The following ASB4 variants were observed in gnomAD, a reference collection of about 807,000 sequenced individuals.
ASB4 encodes the protein ankyrin repeat and SOCS box containing 4.
In ASB4, 35 loss-of-function variants were observed where a neutral mutation model predicts 38.6. That is an observed-to-expected ratio of 0.91 (90% confidence interval 0.69 to 1.20). The LOEUF is 1.20. Among genes scored for constraint, ASB4 ranks in the 50% most tolerant of loss-of-function variants. The pLI is 0.00. For missense variants in ASB4, 557 were observed against 527.2 expected, an observed-to-expected ratio of 1.06 and a Z score of -0.55; for synonymous variants, 195 against 201.3, an observed-to-expected ratio of 0.97 and a Z score of 0.26.
At chr7:95,473,394 A>G in the ASB4 span, among the ~76,000 whole-genome samples, 1,508 of 152,292 alleles carry the variant, frequency 9.9e-3, 18 homozygotes, top group African/African-American at 0.034. Flanking sequence ...AGAGAGGGTA[A>G]GCAGTTAAGT....
chr7:95,479,400 C>T (rs962072458), intron 1 of ASB4, among the ~76,000 whole-genome samples: 1 of 152,126 alleles, frequency 6.6e-6, no homozygotes, highest in Admixed American at 6.5e-5. Context: ...TTTTACAACC[C>T]TGGTAATTAT....
intron 3 of ASB4, among the ~76,000 whole-genome samples, chr7:95,535,803 A>C (rs1464238006): frequency 6.6e-6 from 1 of 152,240 alleles, no homozygotes; most frequent in Non-Finnish European, 1.5e-5. Context: ...GGTTTAGTAC[A>C]TGACACCAGC....
rs747253499 is a variant in ASB4 at position 95,495,978 on chromosome 7, C to T, written c.408C>T (p.Tyr136=). 5.6e-6 allele frequency: 9 copies of T among 1,613,970 alleles called. No homozygotes were observed. In the Admixed American group the frequency reaches 8.3e-5, roughly 15 times the overall value. The change falls in exon 2 of 5, where the codon TAC becomes TAT. Residue 136 remains tyrosine (Y), a synonymous_variant. Coordinates refer to ENST00000325885, the MANE Select transcript of ASB4 (RefSeq NM_016116.3). ...ATCGTGGGGCAAAGCTCAATTGCTA[C>T]TCCTTAAGTGGACACACAGCTTTGC... ...LCDRGAKLNC[Y]SLSGHTALHF... is the part of the protein sequence containing the mutation.
rs577035251 is a variant in ASB4, at chr7:95,537,998, C to A, written c.*239C>A. 72 of 461,782 alleles carry A rather than the reference C, an allele frequency of 1.6e-4. No homozygotes were observed. The highest frequency in any genetic ancestry group is 1.3e-3 in the African/African-American group (69 of 51,996). 28.6% of individuals were successfully genotyped at this position (461,782 alleles called of 1,614,324 possible). Reference sequence around the variant, plus strand: ...GAATGTACTGATAGAACAGTAATAACTAATATGTATAGTGTTCTTACTAAG... The same window carrying A: ...GAATGTACTGATAGAACAGTAATAAATAATATGTATAGTGTTCTTACTAAG... On this transcript the variant is annotated 3_prime_UTR_variant, in exon 5 of 5. Transcript: ENST00000325885.
At chr7:95,512,314 T>C (rs1387700078) in intron 2 of ASB4, among the ~76,000 whole-genome samples, 1 of 152,218 alleles carries the variant, frequency 6.6e-6, no homozygotes, top group Non-Finnish European at 1.5e-5. Flanking sequence ...AGCCCTCACC[T>C]ACCAAATGGG....
At chr7:95,536,693 A>C in intron 4 of ASB4, 143 bp downstream of exon 4, 1 of 539,640 alleles carries the variant, frequency 1.9e-6, no homozygotes, top group African/African-American at 1.9e-5. Context: ...AGGGTTATAA[A>C]ATGCAGGTTT....
chr7:95,489,926 C>A (rs1790147987), intron 1 of ASB4, among the ~76,000 whole-genome samples: 1 of 152,162 alleles, frequency 6.6e-6, no homozygotes, highest in Admixed American at 6.5e-5. Context: ...AAACTGTTTC[C>A]AAAGGCTTTA....
rs1163289800 is a variant in ASB4 at position 95,539,840 on chromosome 7, G to A, written c.*2081G>A. The A allele has an allele frequency of 6.6e-6, 1 of 152,142 alleles. No individual in the cohort carries two copies. The highest frequency in any genetic ancestry group is 2.4e-5 in the African/African-American group (1 of 41,428). 9.4% of individuals were successfully genotyped at this position (152,142 alleles called of 1,614,324 possible). A position where few individuals can be genotyped will look rare whatever the true frequency, so the allele number is the denominator to read the frequency against. ...ATCTCAAAATTCACCACTAAAGAAT[G>A]TATCCATGTAACCAAAAACCACCTG... is the stretch of plus-strand genomic sequence containing the variant. On this transcript the variant is annotated 3_prime_UTR_variant, in exon 5 of 5. Transcript: ENST00000325885.
intron 2 of ASB4, among the ~76,000 whole-genome samples, chr7:95,527,088 T>C (rs1488045668): frequency 6.6e-6 from 1 of 152,230 alleles, no homozygotes. Context: ...TCATTTTCTC[T>C]CTTTCAATGA....
At chr7:95,491,556 A>G (rs958085420) in intron 1 of ASB4, among the ~76,000 whole-genome samples, 5 of 152,246 alleles carry the variant, frequency 3.3e-5, no homozygotes, top group Non-Finnish European at 5.9e-5. Flanking sequence ...AAGCCCTGGA[A>G]AAATTTTGCT....
intron 2 of ASB4, among the ~76,000 whole-genome samples, chr7:95,515,267 C>CTTTCTCTTTCTT (rs1554349263): frequency 1.4e-5 from 1 of 72,546 alleles, no homozygotes; most frequent in Non-Finnish European, 2.9e-5. Flanking sequence ...TTCTTTCTTT[C>CTTTCTCTTTCTT]TCTTTCTTTC....
intron 2 of ASB4, among the ~76,000 whole-genome samples, chr7:95,517,634 C>T (rs955662462): frequency 2.0e-5 from 3 of 151,804 alleles, no homozygotes; most frequent in Non-Finnish European, 4.4e-5. Context: ...AATGAGTCAT[C>T]AATACCATTA....
chr7:95,492,260 G>A (rs565033608), intron 1 of ASB4, among the ~76,000 whole-genome samples: 17 of 152,262 alleles, frequency 1.1e-4, no homozygotes, highest in East Asian at 9.7e-4. Flanking sequence ...CATAATACAC[G>A]AACAGGATAG....
At chr7:95,492,437 C>T (rs1015009226) in intron 1 of ASB4, among the ~76,000 whole-genome samples, 13 of 152,070 alleles carry the variant, frequency 8.5e-5, no homozygotes, top group Non-Finnish European at 1.6e-4. Flanking sequence ...TCCACAAAGA[C>T]AAAGACAGAT....
intron 2 of ASB4, among the ~76,000 whole-genome samples, chr7:95,517,642 T>C (rs1372932861): frequency 2.0e-5 from 3 of 151,670 alleles, no homozygotes; most frequent in African/African-American, 7.3e-5. Flanking sequence ...ATCAATACCA[T>C]TAGATATAGT....
chr7:95,485,902 A>G, upstream of ASB4: 2 of 1,406,174 alleles, frequency 1.4e-6, no homozygotes, highest in Non-Finnish European at 1.9e-6. Flanking sequence ...TGGACTCTCC[A>G]GCATGCGCCT....
chr7:95,471,138 T>A, the ASB4 span, among the ~76,000 whole-genome samples: 6 of 152,312 alleles, frequency 3.9e-5, no homozygotes, highest in Admixed American at 2.0e-4. Context: ...AATGTCCATA[T>A]CCTGCACAAT....
intron 2 of ASB4, among the ~76,000 whole-genome samples, chr7:95,502,585 C>G (rs1416107742): frequency 2.0e-5 from 3 of 152,046 alleles, no homozygotes; most frequent in African/African-American, 7.2e-5. Flanking sequence ...AAAGAGATAA[C>G]TGGGGAGAAA....
intron 2 of ASB4, among the ~76,000 whole-genome samples, chr7:95,521,887 G>A (rs1355690408): frequency 6.6e-6 from 1 of 152,036 alleles, no homozygotes; most frequent in African/African-American, 2.4e-5. Flanking sequence ...AGTTACCTCT[G>A]TGGAGGAAAA....
Sources: allele counts gnomAD v4.1 joint callset (sites outside exome capture counted in the v4.1 genomes callset), GRCh38; gene constraint gnomAD v4.1.1; transcripts MANE v1.5; gene names NCBI Gene and HGNC (gene_info 2026-07-23, HGNC 2026-07-21).